Variants in PTPRT observed in about 807,000 individuals in gnomAD.
The protein encoded by PTPRT is protein tyrosine phosphatase receptor type T.
PTPRT carries 56 observed loss-of-function variants against 176.8 expected under a neutral mutation model. The ratio of observed to expected loss-of-function variants is 0.32; its 90% CI spans 0.26 to 0.40. The LOEUF is 0.40. PTPRT is among the 10% of genes least tolerant of loss of function. PTPRT has a pLI of 1.00. For missense variants in PTPRT, 1,540 were observed against 1,908.2 expected, an observed-to-expected ratio of 0.81 and a Z score of 3.60; for synonymous variants, 783 against 739.0, an observed-to-expected ratio of 1.06 and a Z score of -0.96.
intron 11 of PTPRT, among the ~76,000 whole-genome samples, chr20:42,345,468 TAA>T (rs200194909): frequency 1.2e-3 from 175 of 148,338 alleles, no homozygotes; most frequent in Middle Eastern, 3.6e-3. Context: ...CATATATATA[TAA>T]AACTAGTTAC....
intron 1 of PTPRT, among the ~76,000 whole-genome samples, chr20:42,948,564 C>G (rs1308322830): frequency 6.6e-6 from 1 of 152,030 alleles, no homozygotes; most frequent in African/African-American, 2.4e-5. Flanking sequence ...GGGATTTGGC[C>G]ATCTTGCTTC....
intron 5 of PTPRT, among the ~76,000 whole-genome samples, chr20:42,761,848 G>C (rs1024509350): frequency 6.6e-6 from 1 of 152,180 alleles, no homozygotes; most frequent in Non-Finnish European, 1.5e-5. Context: ...GTTAGGATTG[G>C]ACCCAGGTGA....
At chr20:42,640,953 T>C (rs1267725623) in intron 7 of PTPRT, among the ~76,000 whole-genome samples, 1 of 152,218 alleles carries the variant, frequency 6.6e-6, no homozygotes, top group African/African-American at 2.4e-5. Context: ...TGGTGTCTCC[T>C]GGCTTATTTA....
At chr20:43,039,064 G>A (rs756393418) in intron 1 of PTPRT, among the ~76,000 whole-genome samples, 1 of 152,044 alleles carries the variant, frequency 6.6e-6, no homozygotes, top group African/African-American at 2.4e-5. Context: ...AAGATTTGAG[G>A]GGAGCACCTG....
At chr20:43,044,046 G>A (rs1354399065) in intron 1 of PTPRT, among the ~76,000 whole-genome samples, 1 of 152,142 alleles carries the variant, frequency 6.6e-6, no homozygotes, top group Non-Finnish European at 1.5e-5. Flanking sequence ...GTGTCTGCGA[G>A]ATGGCATCAT....
At chr20:42,245,688 C>G (rs894764828) in intron 14 of PTPRT, among the ~76,000 whole-genome samples, 2 of 152,182 alleles carry the variant, frequency 1.3e-5, no homozygotes, top group African/African-American at 4.8e-5. Context: ...AAACCCCTAA[C>G]AGGAAGAGAA....
At chr20:43,029,513 C>T (rs529982838) in intron 1 of PTPRT, among the ~76,000 whole-genome samples, 7 of 152,206 alleles carry the variant, frequency 4.6e-5, no homozygotes, top group Non-Finnish European at 8.8e-5. Flanking sequence ...CAAACTGGCT[C>T]CAAAAGACTC....
At chr20:42,421,207 A>T (rs2059115116) in intron 9 of PTPRT, among the ~76,000 whole-genome samples, 1 of 152,090 alleles carries the variant, frequency 6.6e-6, no homozygotes, top group African/African-American at 2.4e-5. Flanking sequence ...CAACGTAATG[A>T]CATGTGGTGT....
chr20:43,184,822 C>T (rs190420108), intron 1 of PTPRT, among the ~76,000 whole-genome samples: 7 of 152,210 alleles, frequency 4.6e-5, no homozygotes, highest in Admixed American at 4.6e-4. Flanking sequence ...ATCTAGAATC[C>T]TCACTGGGTC....
chr20:43,069,365 C>G lies in PTPRT; in HGVS notation c.88+120281G>C, dbSNP rs1267999278. On this transcript the variant is annotated intron_variant, in intron 1 of 30. Coordinates refer to ENST00000373187, the MANE Select transcript of PTPRT (RefSeq NM_007050.6). Reference sequence around the variant, plus strand: ...TGGTCAGTGCTATAACCATCTCCATCTGCAATAACAAATCTTCTACAATGT... The same window carrying G: ...TGGTCAGTGCTATAACCATCTCCATGTGCAATAACAAATCTTCTACAATGT... Among the ~76,000 whole-genome samples, 3 of 152,340 alleles carry G rather than the reference C, an allele frequency of 2.0e-5. No individual in the cohort carries two copies. The South Asian group carries it at 6.2e-4, about 32-fold the overall frequency.
At chr20:42,373,028 A>T (rs2058607320) in intron 9 of PTPRT, among the ~76,000 whole-genome samples, 1 of 152,280 alleles carries the variant, frequency 6.6e-6, no homozygotes, top group African/African-American at 2.4e-5. Context: ...CCTAGGCAGG[A>T]AGAAATGACA....
At chr20:42,459,865 C>T (rs1037384304) in intron 8 of PTPRT, among the ~76,000 whole-genome samples, 1 of 149,552 alleles carries the variant, frequency 6.7e-6, no homozygotes, top group Non-Finnish European at 1.5e-5. Context: ...AATTCACCTG[C>T]CTTGGCCTCT....
intron 15 of PTPRT, among the ~76,000 whole-genome samples, chr20:42,223,238 G>A (rs1204973665): frequency 2.0e-5 from 3 of 152,102 alleles, no homozygotes; most frequent in East Asian, 1.9e-4. Flanking sequence ...CACCTACTAC[G>A]CGCCAGATAT....
intron 1 of PTPRT, among the ~76,000 whole-genome samples, chr20:43,165,813 A>T (rs956072146): frequency 6.6e-6 from 1 of 152,148 alleles, no homozygotes; most frequent in Non-Finnish European, 1.5e-5. Context: ...GATGTCATCA[A>T]CTTCCTTGAA....
At chr20:42,268,863 G>A (rs1266935554) in intron 13 of PTPRT, among the ~76,000 whole-genome samples, 4 of 152,118 alleles carry the variant, frequency 2.6e-5, no homozygotes, top group Non-Finnish European at 4.4e-5. Flanking sequence ...TTTACTGGGC[G>A]GGTGTGACTA....
chr20:43,056,915 T>G (rs1987259142), intron 1 of PTPRT, among the ~76,000 whole-genome samples: 1 of 152,124 alleles, frequency 6.6e-6, no homozygotes, highest in Admixed American at 6.5e-5. Flanking sequence ...TCAAGCGTCC[T>G]TATTCCTGCT....
chr20:42,129,952 C>T (rs981558416), intron 18 of PTPRT, among the ~76,000 whole-genome samples: 10 of 152,186 alleles, frequency 6.6e-5, no homozygotes, highest in Non-Finnish European at 5.9e-5. Context: ...TGGATGCCCT[C>T]ATTGGGTTCT....
chr20:42,309,265 C>T (rs546613824), intron 12 of PTPRT, among the ~76,000 whole-genome samples: 22 of 152,276 alleles, frequency 1.4e-4, no homozygotes, highest in South Asian at 8.3e-4. Context: ...TTCACAATTA[C>T]GGCTAATGGT....
chr20:42,091,186 A>C (rs1984577628), intron 27 of PTPRT, among the ~76,000 whole-genome samples: 2 of 152,250 alleles, frequency 1.3e-5, no homozygotes, highest in South Asian at 4.1e-4. Flanking sequence ...GCCTGTGTGG[A>C]TAGCCCTGGA....
Sources: allele counts gnomAD v4.1 joint callset (sites outside exome capture counted in the v4.1 genomes callset), GRCh38; gene constraint gnomAD v4.1.1; transcripts MANE v1.5; gene names NCBI Gene and HGNC (gene_info 2026-07-23, HGNC 2026-07-21).